PSMD5: variants seen among roughly 807,000 people sequenced by gnomAD.
PSMD5 encodes the protein proteasome 26S subunit, non-ATPase 5, also known as 26S proteasome non-ATPase regulatory subunit 5.
Under a neutral mutation model 52.1 loss-of-function variants are expected in PSMD5, and 40 were observed. The ratio of observed to expected loss-of-function variants is 0.77; its 90% CI spans 0.60 to 1.00. The LOEUF is 1.00. PSMD5 is among the 50% of genes least tolerant of loss of function. The pLI, the probability that PSMD5 is intolerant of heterozygous loss-of-function variation, is 0.00. For missense variants in PSMD5, 575 were observed against 605.2 expected (o/e 0.95, Z 0.52); for synonymous variants, 211 against 226.6 (o/e 0.93, Z 0.62).
At position 120,820,824 on chromosome 9, in the gene PSMD5, G is replaced by A. The variant is rs775720623; in HGVS notation, c.1257+15C>T. On this transcript the variant is annotated intron_variant, in intron 9 of 9. Coordinates refer to ENST00000210313, the MANE Select transcript of PSMD5 (RefSeq NM_005047.4). Reference sequence around the variant, plus strand: ...TGGCAGGGTCCCAGAAGGACCTATGGAAGTGAATACCTACCGTAAACACTT... The same window carrying A: ...TGGCAGGGTCCCAGAAGGACCTATGAAAGTGAATACCTACCGTAAACACTT... The A allele has an allele frequency of 6.4e-7, 1 of 1,551,710 alleles. No homozygotes were observed. The highest frequency in any genetic ancestry group is 8.6e-7 in the Non-Finnish European group (1 of 1,158,802).
intron 1 of PSMD5, among the ~76,000 whole-genome samples, chr9:120,835,733 A>G: frequency 6.6e-6 from 1 of 152,124 alleles, no homozygotes; most frequent in East Asian, 1.9e-4. Context: ...CTGTCTCAAA[A>G]AAAAAAAATA....
chr9:120,818,124 T>A lies in PSMD5; in HGVS notation c.1297A>T (p.Asn433Tyr). The A allele has an allele frequency of 6.2e-7, 1 of 1,614,108 alleles. No individual in the cohort carries two copies. The highest frequency in any genetic ancestry group is 8.5e-7 in the Non-Finnish European group (1 of 1,179,950). ...ACATATTCTACAAAACCTGGACTGT[T>A]AAACATAAGTTTCTGAGCCCAGGGT... ...NQPWAQKLMF[N>Y]SPGFVEYVVD... The change falls in exon 10 of 10, where the codon AAC becomes TAC. Residue 433 changes from asparagine (N) to tyrosine (Y), a missense_variant. Coordinates refer to ENST00000210313, the MANE Select transcript of PSMD5 (RefSeq NM_005047.4).
At chr9:120,827,020 C>A in intron 5 of PSMD5, 113 bp from the exon 6 acceptor site, 1 of 1,134,636 alleles carries the variant, frequency 8.8e-7, no homozygotes, top group South Asian at 1.9e-5. Context: ...TTCGAAAGGT[C>A]AATAATCTTG....
At chr9:120,833,168 A>T in intron 2 of PSMD5, 144 bp downstream of exon 2, 1 of 939,354 alleles carries the variant, frequency 1.1e-6, no homozygotes, top group Non-Finnish European at 1.6e-6. Context: ...CACATTTCCT[A>T]GGGGGAAAGA....
At chr9:120,824,220 A>G (rs969059179) in intron 7 of PSMD5, 4 of 461,900 alleles carry the variant, frequency 8.7e-6, no homozygotes, top group Non-Finnish European at 1.6e-5. Context: ...AGAAGACATC[A>G]TAGAGGGGAA....
chr9:120,842,596 G>A (rs1257549344), intron 1 of PSMD5, 141 bp downstream of exon 1: 9 of 1,049,558 alleles, frequency 8.6e-6, no homozygotes, highest in East Asian at 2.6e-5. Context: ...TCTGAACCCA[G>A]GATCCTTCCT....
chr9:120,831,738 C>G, intron 3 of PSMD5, 94 bp downstream of exon 3: 1 of 1,508,238 alleles, frequency 6.6e-7, no homozygotes, highest in Non-Finnish European at 8.8e-7. Context: ...ATCATCCATT[C>G]TAAACCTTCA....
chr9:120,833,761 C>T lies in PSMD5; in HGVS notation c.174-305G>A, dbSNP rs530127976. Reference sequence around the variant, plus strand: ...TGGCCTGATCTTGGCTCACTGCAACCTCCACCTCCCAGGTTCAAGCAATTC... The same window carrying T: ...TGGCCTGATCTTGGCTCACTGCAACTTCCACCTCCCAGGTTCAAGCAATTC... On this transcript the variant is annotated intron_variant, in intron 1 of 9. Coordinates refer to ENST00000210313, the MANE Select transcript of PSMD5 (RefSeq NM_005047.4). Among the ~76,000 whole-genome samples, 384 of 148,808 alleles carry T rather than the reference C, an allele frequency of 2.6e-3. 6 individuals carry two copies. Among genetic ancestry groups the T allele is most frequent in the African/African-American group, 9.0e-3 (362 of 40,084 alleles).
In PSMD5 at chr9:120,829,170, T is replaced by G; in HGVS notation, c.600A>C (p.Leu200Phe). The G allele has an allele frequency of 1.2e-6, 2 of 1,605,566 alleles. No homozygotes were observed. The highest frequency in any genetic ancestry group is 4.5e-5 in the East Asian group (2 of 44,752). ...CCAATCCACTTGTGGTACAGTAGTT[T>G]AAAGATTCTGGTGACACGGAAGAAA... is the stretch of plus-strand genomic sequence containing the variant. ...IEISSVSPES[L>F]NYCTTSGLVT... The change falls in exon 5 of 10, where the codon TTA becomes TTC. Residue 200 changes from leucine (L) to phenylalanine (F), a missense_variant. Leu to Phe is a conservative substitution (Grantham distance 22). Transcript: ENST00000210313.
At chr9:120,828,973 G>A in intron 5 of PSMD5, 126 bp downstream of exon 5, 4 of 1,260,594 alleles carry the variant, frequency 3.2e-6, no homozygotes, top group Non-Finnish European at 4.1e-6. Flanking sequence ...CCTCCTTCAG[G>A]ACACACATCA....
At chr9:120,824,471 G>A (rs1159025984) in intron 7 of PSMD5, 23 bp downstream of exon 7, 1 of 1,611,012 alleles carries the variant, frequency 6.2e-7, no homozygotes, top group East Asian at 2.2e-5. Context: ...AGATATCCCT[G>A]AACAGGGCCA....
chr9:120,832,024 T>C lies in PSMD5; in HGVS notation c.319-79A>G. 7.2e-6 allele frequency: 11 copies of C among 1,531,284 alleles called. No individual in the cohort carries two copies. The South Asian group carries it at 8.9e-5, about 12-fold the overall frequency. 94.9% of individuals were successfully genotyped at this position (1,531,284 alleles called of 1,614,324 possible). On this transcript the variant is annotated intron_variant, in intron 2 of 9. Transcript: ENST00000210313. ...ACACACGATGGTCCAATTTCCTTAGTGCACAGTTATTTTAGGAGTTAGTGA... is the reference window on the plus strand; with the variant it reads ...ACACACGATGGTCCAATTTCCTTAGCGCACAGTTATTTTAGGAGTTAGTGA...
intron 7 of PSMD5, among the ~76,000 whole-genome samples, chr9:120,822,286 C>A (rs1588066556): frequency 6.6e-6 from 1 of 152,092 alleles, no homozygotes; most frequent in South Asian, 2.1e-4. Context: ...CGCAACACAG[C>A]ATATATAAGG....
intron 4 of PSMD5, among the ~76,000 whole-genome samples, chr9:120,830,842 TG>T (rs1459572727): frequency 1.3e-5 from 2 of 151,996 alleles, no homozygotes; most frequent in African/African-American, 4.8e-5. Flanking sequence ...TTTTCAAGTC[TG>T]GTTTCAATAT....
chr9:120,830,298 T>C (rs1239436525), intron 4 of PSMD5, among the ~76,000 whole-genome samples: 1 of 152,134 alleles, frequency 6.6e-6, no homozygotes, highest in African/African-American at 2.4e-5. Flanking sequence ...AGCATGAGTT[T>C]GAGTGGCCTA....
intron 9 of PSMD5, 57 bp downstream of exon 9, chr9:120,820,782 G>A: frequency 6.7e-7 from 1 of 1,492,222 alleles, no homozygotes; most frequent in Non-Finnish European, 8.9e-7. Context: ...TCACTGTTAA[G>A]TACTCAAGTG....
At chr9:120,842,380 G>A (rs571332075) in intron 1 of PSMD5, 2 of 261,064 alleles carry the variant, frequency 7.7e-6, no homozygotes, top group South Asian at 1.8e-4. Context: ...TGCCAGGATA[G>A]GATCCTTTTA....
intron 6 of PSMD5, 30 bp downstream of exon 6, chr9:120,826,735 A>G (rs1564475410): frequency 1.2e-6 from 2 of 1,606,802 alleles, no homozygotes; most frequent in South Asian, 2.2e-5. Context: ...AACACGCACC[A>G]TCATTTCCAT....
intron 3 of PSMD5, 26 bp downstream of exon 3, chr9:120,831,806 T>G: frequency 1.2e-6 from 2 of 1,601,638 alleles, no homozygotes; most frequent in Non-Finnish European, 1.7e-6. Context: ...TCTGCACATT[T>G]AAGTCAATGA....
Sources: allele counts gnomAD v4.1 joint callset (sites outside exome capture counted in the v4.1 genomes callset), GRCh38; gene constraint gnomAD v4.1.1; transcripts MANE v1.5; gene names NCBI Gene and HGNC (gene_info 2026-07-23, HGNC 2026-07-21).